Variants in GRIK4 observed in about 807,000 individuals in gnomAD.
The protein encoded by GRIK4 is glutamate ionotropic receptor kainate type subunit 4.
Under a neutral mutation model 104.9 loss-of-function variants are expected in GRIK4, and 40 were observed. The ratio of observed to expected loss-of-function variants is 0.38; its 90% CI spans 0.30 to 0.50. The LOEUF is 0.50. Among genes scored for constraint, GRIK4 ranks in the 20% least tolerant of loss-of-function variants. The pLI, the probability that GRIK4 is intolerant of heterozygous loss-of-function variation, is 0.93. For synonymous variants in GRIK4, 485 were observed against 524.9 expected (o/e 0.92, Z 1.04); for missense variants, 1,047 against 1,308.1 (o/e 0.80, Z 3.08).
chr11:120,857,745 C>G (rs913999711), intron 8 of GRIK4, among the ~76,000 whole-genome samples: 2 of 152,220 alleles, frequency 1.3e-5, no homozygotes, highest in African/African-American at 2.4e-5. Flanking sequence ...CTTCAATCAA[C>G]TGTCCTCAAA....
intron 3 of GRIK4, among the ~76,000 whole-genome samples, chr11:120,664,549 A>G (rs905028460): frequency 6.6e-6 from 1 of 152,236 alleles, no homozygotes; most frequent in African/African-American, 2.4e-5. Flanking sequence ...AGAGGGTTTA[A>G]ATAACGAACC....
At chr11:120,533,944 T>G (rs895380487) in intron 1 of GRIK4, among the ~76,000 whole-genome samples, 1 of 152,202 alleles carries the variant, frequency 6.6e-6, no homozygotes, top group Non-Finnish European at 1.5e-5. Context: ...CTGAAAAATT[T>G]TAAACAGAAA....
In GRIK4 at chr11:120,653,317, G is replaced by A. The variant is rs184973553; in HGVS notation, c.-158-368G>A. On this transcript the variant is annotated intron_variant, in intron 1 of 20. Transcript: ENST00000527524. Reference sequence around the variant, plus strand: ...GATCCAGTCTTGCAGTTGTAAAAAAGTGGAAATGAGTTTCCCCTTATGGGA... The same window carrying A: ...GATCCAGTCTTGCAGTTGTAAAAAAATGGAAATGAGTTTCCCCTTATGGGA... Among the ~76,000 whole-genome samples the A allele has an allele frequency of 1.1e-4, 16 of 152,320 alleles. No individual in the cohort carries two copies. The East Asian group carries it at 2.1e-3, about 20-fold the overall frequency.
intron 2 of GRIK4, among the ~76,000 whole-genome samples, chr11:120,658,827 C>T (rs779240457): frequency 1.4e-5 from 2 of 142,200 alleles, no homozygotes; most frequent in Non-Finnish European, 3.0e-5. Flanking sequence ...CGGCTCACTG[C>T]AAGCTCCACC....
chr11:120,687,730 G>T (rs1296048397), intron 3 of GRIK4, among the ~76,000 whole-genome samples: 1 of 152,120 alleles, frequency 6.6e-6, no homozygotes, highest in Non-Finnish European at 1.5e-5. Context: ...GTCCCTGCCG[G>T]GTTGTGTTTT....
At chr11:120,911,639 C>T (rs1341708235) in intron 13 of GRIK4, among the ~76,000 whole-genome samples, 2 of 149,000 alleles carry the variant, frequency 1.3e-5, no homozygotes, top group Non-Finnish European at 3.0e-5. Context: ...GTCAGGAGTT[C>T]AAGACCAGCC....
intron 3 of GRIK4, among the ~76,000 whole-genome samples, chr11:120,726,166 C>T (rs1951024482): frequency 6.6e-6 from 1 of 152,106 alleles, no homozygotes; most frequent in South Asian, 2.1e-4. Context: ...GACCAGAGGT[C>T]AGGAACATAG....
intron 3 of GRIK4, among the ~76,000 whole-genome samples, chr11:120,801,201 G>GTCTGGC (rs1952614482): frequency 6.6e-6 from 1 of 152,130 alleles, no homozygotes; most frequent in Non-Finnish European, 1.5e-5. Context: ...TTTTGTGTAT[G>GTCTGGC]TCTGGCTTTA....
In GRIK4 at chr11:120,549,264, A is replaced by T. The variant is rs1471525079; in HGVS notation, c.-159+37377A>T. 6.6e-6 allele frequency among the ~76,000 whole-genome samples: 1 copy of T among 151,084 alleles called. No individual in the cohort carries two copies. Among genetic ancestry groups the T allele is most frequent in the Non-Finnish European group, 1.5e-5 (1 of 67,936 alleles). ...CAGGCACACGCCACTACACCTGGCT[A>T]ATTTTTGTATATATTTTTTTTTAAG... On this transcript the variant is annotated intron_variant, in intron 1 of 20. Coordinates refer to ENST00000527524, the MANE Select transcript of GRIK4 (RefSeq NM_014619.5). The surrounding 1 kb of genome is among the most constrained non-coding windows in gnomAD (Gnocchi z 4.7).
chr11:120,595,553 C>T (rs1207301355), intron 1 of GRIK4, among the ~76,000 whole-genome samples: 1 of 152,184 alleles, frequency 6.6e-6, no homozygotes. Context: ...ATCTTCCTGA[C>T]CTTATCCTCT....
intron 1 of GRIK4, among the ~76,000 whole-genome samples, chr11:120,589,528 C>A (rs751049124): frequency 2.6e-5 from 4 of 152,130 alleles, no homozygotes; most frequent in Non-Finnish European, 4.4e-5. Context: ...CTATAGCAGT[C>A]GAGTCTCTTG....
intron 19 of GRIK4, among the ~76,000 whole-genome samples, chr11:120,973,988 A>C (rs182283283): frequency 6.6e-6 from 1 of 152,084 alleles, no homozygotes; most frequent in Admixed American, 6.5e-5. Flanking sequence ...ACTCACTGCA[A>C]CCTTCACCTC....
intron 1 of GRIK4, among the ~76,000 whole-genome samples, chr11:120,523,619 T>C (rs1947822025): frequency 6.6e-6 from 1 of 152,214 alleles, no homozygotes; most frequent in Non-Finnish European, 1.5e-5. Flanking sequence ...AAAACACAGA[T>C]GTCCAGAGAA....
rs117814911 is a variant in GRIK4, at chr11:120,849,581, C to T, written c.745-12378C>T. On this transcript the variant is annotated intron_variant, in intron 8 of 20. Transcript: ENST00000527524. ...CCAGCAATGTACCAGATGCCATGCC[C>T]AGCACCTTCTACTCAAGATCTTTAA... is the stretch of plus-strand genomic sequence containing the variant. 2.4e-3 allele frequency among the ~76,000 whole-genome samples: 365 copies of T among 152,340 alleles called. 2 individuals carry two copies. The highest frequency in any genetic ancestry group is 4.0e-3 in the Non-Finnish European group (271 of 68,036).
intron 3 of GRIK4, among the ~76,000 whole-genome samples, chr11:120,678,215 C>T (rs1232087419): frequency 6.6e-6 from 1 of 152,236 alleles, no homozygotes; most frequent in Non-Finnish European, 1.5e-5. Flanking sequence ...GCAGACCCCA[C>T]ACCTCATCCC....
intron 17 of GRIK4, among the ~76,000 whole-genome samples, chr11:120,961,485 A>G (rs1421080396): frequency 6.6e-6 from 1 of 152,238 alleles, no homozygotes. Flanking sequence ...TTTAAATCGT[A>G]TAGGTAGTAT....
At position 120,902,633 on chromosome 11, in the gene GRIK4, A is replaced by G. The variant is rs1485793777; in HGVS notation, c.1273-2657A>G. 6.6e-6 allele frequency among the ~76,000 whole-genome samples: 1 copy of G among 152,172 alleles called. No individual in the cohort carries two copies. The highest frequency in any genetic ancestry group is 1.5e-5 in the Non-Finnish European group (1 of 68,038). On this transcript the variant is annotated intron_variant, in intron 12 of 20. Transcript: ENST00000527524. This position sits in a 1 kb window ranked among gnomAD's most constrained non-coding sequence, Gnocchi z 4.5. ...GCCAGGTAGGGGAACCAAGCAGGTG[A>G]CGAGTCTGTCCCAGGACCCACTCCC... is the stretch of plus-strand genomic sequence containing the variant.
At chr11:120,760,770 C>T (rs1465461532) in intron 3 of GRIK4, among the ~76,000 whole-genome samples, 7 of 152,036 alleles carry the variant, frequency 4.6e-5, no homozygotes, top group Admixed American at 2.0e-4. Context: ...GCAAAGGACA[C>T]GAACTCATTC....
intron 14 of GRIK4, among the ~76,000 whole-genome samples, chr11:120,948,764 C>T (rs1238439335): frequency 6.6e-6 from 1 of 152,130 alleles, no homozygotes; most frequent in African/African-American, 2.4e-5. Flanking sequence ...TGTAACACAC[C>T]ATCTCCCCAC....
Sources: gnomAD v4.1 joint callset for allele counts (sites outside exome capture counted in the v4.1 genomes callset) on GRCh38, gnomAD v4.1.1 for gene constraint, Gnocchi (gnomAD v3.1) non-coding constraint, MANE v1.5 for transcripts, NCBI Gene and HGNC (gene_info 2026-07-23, HGNC 2026-07-21) for gene names.